DNAJC13: variants seen among roughly 807,000 people sequenced by gnomAD.
DNAJC13 encodes the protein dnaJ homolog subfamily C member 13.
A neutral mutation model predicts 290.5 loss-of-function variants in DNAJC13; 75 were observed. That is an observed-to-expected ratio of 0.26 (90% CI 0.21 to 0.31). DNAJC13 has a LOEUF of 0.31. Ranked by LOEUF, DNAJC13 falls within the 10% of genes least tolerant of loss-of-function variation. The pLI is 1.00. For synonymous variants in DNAJC13, 862 were observed against 892.0 expected (o/e 0.97, Z 0.60); for missense variants, 2,260 against 2,674.5 (o/e 0.85, Z 3.42).
At chr3:132,477,913 TGTCGC>T in intron 23 of DNAJC13, 21 bp downstream of exon 23, 1 of 1,604,796 alleles carries the variant, frequency 6.2e-7, no homozygotes, top group Admixed American at 1.7e-5. Flanking sequence ...CTGTATATCC[TGTCGC>T]ATTTGTTTTC....
Position 132,538,300 on chromosome 3 carries a change from A to G in DNAJC13, c.*18A>G, listed in dbSNP as rs1936659598. 2.5e-6 allele frequency: 4 copies of G among 1,604,068 alleles called. No homozygotes were observed. Among genetic ancestry groups the G allele is most frequent in the Non-Finnish European group, 2.6e-6 (3 of 1,172,922 alleles). ...AGACTTGAAATATTCACGAGAGACA[A>G]TAAACGCTGAAAGGCCAGTGCCAAG... is the stretch of plus-strand genomic sequence containing the variant. On this transcript the variant is annotated 3_prime_UTR_variant, in exon 56 of 56. Transcript: ENST00000260818.
intron 32 of DNAJC13, among the ~76,000 whole-genome samples, chr3:132,492,069 G>T (rs1935072001): frequency 6.6e-6 from 1 of 152,042 alleles, no homozygotes; most frequent in Admixed American, 6.6e-5. Flanking sequence ...ATACCATCTA[G>T]CGAGCTTCTT....
intron 26 of DNAJC13, among the ~76,000 whole-genome samples, chr3:132,481,645 A>G (rs1934678172): frequency 6.6e-6 from 1 of 152,214 alleles, no homozygotes; most frequent in African/African-American, 2.4e-5. Context: ...AAAAATTTTA[A>G]CCTAGATTCT....
At chr3:132,517,071 G>A (rs566615730) in intron 48 of DNAJC13, among the ~76,000 whole-genome samples, 74 of 152,324 alleles carry the variant, frequency 4.9e-4, no homozygotes, top group Middle Eastern at 3.4e-3. Context: ...CATCTCCCTC[G>A]AAGAGGGAAC....
chr3:132,453,070 T>G (rs1249710414), intron 6 of DNAJC13, among the ~76,000 whole-genome samples: 2 of 152,154 alleles, frequency 1.3e-5, no homozygotes, highest in African/African-American at 4.8e-5. Context: ...CCTGAGAAAT[T>G]TTGAGATAAT....
intron 48 of DNAJC13, among the ~76,000 whole-genome samples, chr3:132,521,854 T>C (rs1214206023): frequency 5.9e-5 from 9 of 152,206 alleles, no homozygotes; most frequent in Non-Finnish European, 1.2e-4. Context: ...ACAAATGCCC[T>C]TCCATGGGAA....
Position 132,483,485 on chromosome 3 carries a change from C to G in DNAJC13, c.3090C>G (p.Leu1030=). ...LQSIPQLKWC[L]LASGQAVLNE... ...CCATACCCCAGCTTAAGTGGTGTCT[C>G]TTAGCCAGTGGACAGGCTGTCCTGA... Residue 1030 remains leucine, a synonymous_variant, in exon 28 of 56, where the codon CTC becomes CTG. Coordinates refer to ENST00000260818, the MANE Select transcript of DNAJC13 (RefSeq NM_015268.4). 6.2e-7 allele frequency: 1 copy of G among 1,614,128 alleles called. No individual in the cohort carries two copies. Among genetic ancestry groups the G allele is most frequent in the Non-Finnish European group, 8.5e-7 (1 of 1,179,982 alleles).
At chr3:132,451,035 G>A (rs570428144) in intron 6 of DNAJC13, among the ~76,000 whole-genome samples, 188 bp downstream of exon 6, 1 of 152,228 alleles carries the variant, frequency 6.6e-6, no homozygotes, top group African/African-American at 2.4e-5. Flanking sequence ...AATGAGGAGA[G>A]TGAGGATCTG....
chr3:132,484,633 A>AC lies in DNAJC13; in HGVS notation c.3229dup (p.Leu1077ProfsTer5). ...TTCGGCCTCTACCCAAAGTGAAAAG[A>AC]CTGCTGTCAGATAGCACTTGCCTTC... On this transcript the variant is annotated frameshift_variant, in exon 29 of 56. Transcript: ENST00000260818. LOFTEE classifies it high-confidence loss of function. 1 of 1,614,158 alleles carries AC rather than the reference A, an allele frequency of 6.2e-7. No homozygotes were observed. The highest frequency in any genetic ancestry group is 8.5e-7 in the Non-Finnish European group (1 of 1,179,996).
At chr3:132,503,544 A>G (rs1217083200) in intron 41 of DNAJC13, among the ~76,000 whole-genome samples, 163 bp downstream of exon 41, 1 of 152,206 alleles carries the variant, frequency 6.6e-6, no homozygotes, top group Non-Finnish European at 1.5e-5. Context: ...GATGCTAATG[A>G]TGTCAGTTCT....
chr3:132,490,837 A>G, intron 31 of DNAJC13, 60 bp from the exon 32 acceptor site: 1 of 1,394,926 alleles, frequency 7.2e-7, no homozygotes, highest in Non-Finnish European at 9.4e-7. Flanking sequence ...ATCATTTATT[A>G]GAAAATTGAA....
At chr3:132,514,950 A>G (rs1401671616) in intron 46 of DNAJC13, 7 of 293,158 alleles carry the variant, frequency 2.4e-5, no homozygotes, top group Non-Finnish European at 4.5e-5. Context: ...ATTGAGAATT[A>G]ACTAATATTT....
rs532475165 is a variant in DNAJC13, at chr3:132,457,359, C to T, written c.1440C>T (p.Ala480=). Residue 480 remains alanine, a synonymous_variant, in exon 13 of 56, where the codon GCC becomes GCT. Transcript: ENST00000260818. ...IIHAAVDMLC[A]LMCPMHDDYD... Reference sequence around the variant, plus strand: ...ATGCAGCAGTTGATATGCTTTGTGCCCTTATGTGTGTAAGTAGTAGTTTTC... The same window carrying T: ...ATGCAGCAGTTGATATGCTTTGTGCTCTTATGTGTGTAAGTAGTAGTTTTC... 3.7e-6 allele frequency: 6 copies of T among 1,612,148 alleles called. No homozygotes were observed. The highest frequency in any genetic ancestry group is 1.7e-4 in the Middle Eastern group (1 of 6,050).
intron 2 of DNAJC13, among the ~76,000 whole-genome samples, chr3:132,446,208 ACAT>A (rs1375210453): frequency 6.6e-6 from 1 of 151,920 alleles, no homozygotes; most frequent in Admixed American, 6.6e-5. Context: ...ATTTATACTA[ACAT>A]CACACAAGAT....
chr3:132,420,986 CTG>C (rs1038742330), intron 1 of DNAJC13, among the ~76,000 whole-genome samples: 1 of 152,152 alleles, frequency 6.6e-6, no homozygotes, highest in Non-Finnish European at 1.5e-5. Flanking sequence ...TTAAAAAGAA[CTG>C]TTTTGTACAT....
intron 48 of DNAJC13, among the ~76,000 whole-genome samples, chr3:132,517,582 A>G (rs1432182137): frequency 6.6e-6 from 1 of 152,146 alleles, no homozygotes; most frequent in African/African-American, 2.4e-5. Context: ...AGGAGTCTCC[A>G]TTCTTAACAT....
rs1576523940 is a variant in DNAJC13, at chr3:132,528,434, T to C, written c.6525+102T>C. The C allele has an allele frequency of 5.6e-6, 8 of 1,416,528 alleles. No homozygotes were observed. In the East Asian group the frequency reaches 1.8e-4, roughly 33 times the overall value. The allele number at this position is 1,416,528 out of a possible 1,614,324, so 87.7% of individuals were successfully genotyped here. A position where few individuals can be genotyped will look rare whatever the true frequency, so the allele number is the denominator to read the frequency against. The stretch of plus-strand genomic sequence containing the variant: ...CAAGTTCCACTTACAGATATGGTTC[T>C]GTTGGTTGTAACTGGAGAAGATCCA... On this transcript the variant is annotated intron_variant, in intron 54 of 55. Coordinates refer to ENST00000260818, the MANE Select transcript of DNAJC13 (RefSeq NM_015268.4).
At chr3:132,501,224 G>A (rs1034541235) in intron 39 of DNAJC13, among the ~76,000 whole-genome samples, 4 of 152,134 alleles carry the variant, frequency 2.6e-5, no homozygotes, top group Admixed American at 2.0e-4. Flanking sequence ...AGGCCAGCCC[G>A]GTGTGGTGGC....
rs13320949 is a variant in DNAJC13 at position 132,457,016 on chromosome 3, T to C, written c.1349+184T>C. On this transcript the variant is annotated intron_variant, in intron 12 of 55. Transcript: ENST00000260818. ...CAGCAGAAGCGGAATATTGGTCCCATACTCACCAGTAATATAACTGACTCT... is the reference window on the plus strand; with the variant it reads ...CAGCAGAAGCGGAATATTGGTCCCACACTCACCAGTAATATAACTGACTCT... 4.4e-3 allele frequency among the ~76,000 whole-genome samples: 667 copies of C among 152,322 alleles called. 3 individuals are homozygous for C. Among genetic ancestry groups the C allele is most frequent in the Middle Eastern group, 0.01 (3 of 294 alleles).
Sources: allele counts gnomAD v4.1 joint callset (sites outside exome capture counted in the v4.1 genomes callset), GRCh38; gene constraint gnomAD v4.1.1; transcripts MANE v1.5; gene names NCBI Gene and HGNC (gene_info 2026-07-23, HGNC 2026-07-21).